Variants in CNTNAP5 observed in about 807,000 individuals in gnomAD.
CNTNAP5 encodes the protein contactin associated protein family member 5.
A neutral mutation model predicts 150.2 loss-of-function variants in CNTNAP5; 72 were observed. That is an observed-to-expected ratio of 0.48 (90% CI 0.40 to 0.58). The LOEUF (loss-of-function observed/expected upper bound fraction) is 0.58, where lower values mean the gene tolerates loss of function less well. Among genes scored for constraint, CNTNAP5 ranks in the 20% least tolerant of loss-of-function variants. The pLI is 0.00. For synonymous variants in CNTNAP5, 672 were observed against 619.8 expected (o/e 1.08, Z -1.25); for missense variants, 1,636 against 1,626.2 (o/e 1.01, Z -0.10).
At chr2:124,495,751 T>C in intron 7 of CNTNAP5, among the ~76,000 whole-genome samples, 1 of 152,212 alleles carries the variant, frequency 6.6e-6, no homozygotes, top group East Asian at 1.9e-4. Flanking sequence ...ACATGTATTA[T>C]GGACTTCTTT....
intron 3 of CNTNAP5, among the ~76,000 whole-genome samples, chr2:124,348,874 TTTC>T (rs1435200810): frequency 6.6e-6 from 1 of 152,172 alleles, no homozygotes; most frequent in East Asian, 1.9e-4. Context: ...TGTCAAGCTG[TTTC>T]TTATCTATTA....
intron 4 of CNTNAP5, among the ~76,000 whole-genome samples, chr2:124,427,137 A>G (rs1412301895): frequency 6.6e-6 from 1 of 152,216 alleles, no homozygotes; most frequent in Non-Finnish European, 1.5e-5. Context: ...GTTCTGGGTC[A>G]CTGGCATGGC....
intron 3 of CNTNAP5, among the ~76,000 whole-genome samples, chr2:124,327,272 G>T (rs866236490): frequency 1.3e-5 from 2 of 152,052 alleles, no homozygotes; most frequent in African/African-American, 4.8e-5. Flanking sequence ...GAGCCACTGC[G>T]CCCGGCAGAT....
intron 3 of CNTNAP5, among the ~76,000 whole-genome samples, chr2:124,340,640 T>C (rs974660425): frequency 1.3e-5 from 2 of 151,436 alleles, no homozygotes; most frequent in Non-Finnish European, 2.9e-5. Context: ...GAAGAACAGA[T>C]AAAGTCCAGG....
intron 13 of CNTNAP5, among the ~76,000 whole-genome samples, chr2:124,696,595 A>G (rs1324939291): frequency 1.3e-5 from 2 of 152,162 alleles, no homozygotes; most frequent in Non-Finnish European, 2.9e-5. Context: ...CAAGGAAGTT[A>G]TGTTCATTTA....
intron 18 of CNTNAP5, among the ~76,000 whole-genome samples, chr2:124,797,374 G>T (rs1003470995): frequency 2.0e-5 from 3 of 152,090 alleles, no homozygotes; most frequent in African/African-American, 7.2e-5. Flanking sequence ...TCTTCCTGGT[G>T]GTGGCAGATC....
At position 124,764,018 on chromosome 2, in the gene CNTNAP5, T is replaced by C. The variant is rs1275588652; in HGVS notation, c.2404T>C (p.Tyr802His). 3 of 1,613,388 alleles carry C rather than the reference T, an allele frequency of 1.9e-6. No homozygotes were observed. In the Admixed American group the frequency reaches 5.0e-5, roughly 27 times the overall value. The change falls in exon 16 of 24, where the codon TAC becomes CAC. Residue 802 changes from tyrosine to histidine, a missense_variant. Coordinates refer to ENST00000682447, the MANE Select transcript of CNTNAP5 (RefSeq NM_001367498.1). Reference sequence around the variant, plus strand: ...CGTCTCATTTTATACAGAAGCCTCTTACCTCCACTTTCCTACCTTCCATGC... The same window carrying C: ...CGTCTCATTTTATACAGAAGCCTCTCACCTCCACTTTCCTACCTTCCATGC... ...NAVSFYTEAS[Y>H]LHFPTFHAEF...
At chr2:124,048,858 G>A (rs1470758800) in intron 1 of CNTNAP5, among the ~76,000 whole-genome samples, 1 of 152,152 alleles carries the variant, frequency 6.6e-6, no homozygotes, top group East Asian at 1.9e-4. Flanking sequence ...TGGACACAGT[G>A]TCCTTGAAGA....
At chr2:124,335,605 T>C (rs1018875586) in intron 3 of CNTNAP5, among the ~76,000 whole-genome samples, 2 of 149,418 alleles carry the variant, frequency 1.3e-5, no homozygotes, top group African/African-American at 4.9e-5. Flanking sequence ...AAACCAGAGT[T>C]GTAAAGACCA....
At chr2:124,498,095 T>A (rs1181968631) in intron 7 of CNTNAP5, among the ~76,000 whole-genome samples, 1 of 152,144 alleles carries the variant, frequency 6.6e-6, no homozygotes, top group Non-Finnish European at 1.5e-5. Flanking sequence ...AGGAAAGCTT[T>A]TAGGTGGATG....
At chr2:124,111,059 T>G (rs965381036) in intron 1 of CNTNAP5, among the ~76,000 whole-genome samples, 1 of 152,196 alleles carries the variant, frequency 6.6e-6, no homozygotes, top group Non-Finnish European at 1.5e-5. Flanking sequence ...TGGTATTGTA[T>G]GAATAATTTA....
At chr2:124,857,398 T>C (rs544654346) in intron 19 of CNTNAP5, among the ~76,000 whole-genome samples, 1 of 152,204 alleles carries the variant, frequency 6.6e-6, no homozygotes, top group South Asian at 2.1e-4. Context: ...GAGTAAATTT[T>C]CTGAGGTGTT....
chr2:124,847,586 C>T (rs1210722289), intron 19 of CNTNAP5, among the ~76,000 whole-genome samples: 1 of 152,156 alleles, frequency 6.6e-6, no homozygotes, highest in Non-Finnish European at 1.5e-5. Flanking sequence ...TTTGGTATCT[C>T]AGGGACCCTG....
At chr2:124,536,070 T>A (rs970211030) in intron 10 of CNTNAP5, among the ~76,000 whole-genome samples, 2 of 152,148 alleles carry the variant, frequency 1.3e-5, no homozygotes, top group African/African-American at 2.4e-5. Context: ...AGAAAAGCCA[T>A]TGGAAGGGCA....
At chr2:124,069,908 T>C (rs1372699705) in intron 1 of CNTNAP5, among the ~76,000 whole-genome samples, 1 of 152,192 alleles carries the variant, frequency 6.6e-6, no homozygotes, top group Non-Finnish European at 1.5e-5. Flanking sequence ...AACAGTGTAA[T>C]TGTCGTATAT....
At chr2:124,118,151 A>G (rs1448005218) in intron 1 of CNTNAP5, among the ~76,000 whole-genome samples, 3 of 152,154 alleles carry the variant, frequency 2.0e-5, no homozygotes, top group Admixed American at 6.6e-5. Context: ...GTTCATGATC[A>G]TGCAACAGAT....
chr2:124,378,251 G>A (rs577608650), intron 3 of CNTNAP5, among the ~76,000 whole-genome samples: 18 of 151,698 alleles, frequency 1.2e-4, no homozygotes, highest in Admixed American at 2.0e-4. Context: ...GGAATCAACC[G>A]TATGTAATTT....
At chr2:124,613,769 C>A (rs149970739) in intron 12 of CNTNAP5, among the ~76,000 whole-genome samples, 1 of 152,150 alleles carries the variant, frequency 6.6e-6, no homozygotes, top group Non-Finnish European at 1.5e-5. Context: ...GGGAGTTCCC[C>A]AAATGCTCAA....
At chr2:124,813,478 C>T (rs2104660633) in intron 19 of CNTNAP5, among the ~76,000 whole-genome samples, 1 of 151,648 alleles carries the variant, frequency 6.6e-6, no homozygotes, top group East Asian at 2.0e-4. Context: ...GTTACTGTAT[C>T]CTGATGAACC....
Sources: allele counts gnomAD v4.1 joint callset (sites outside exome capture counted in the v4.1 genomes callset), GRCh38; gene constraint gnomAD v4.1.1; transcripts MANE v1.5; gene names NCBI Gene and HGNC (gene_info 2026-07-23, HGNC 2026-07-21).